CD3G: variants seen among roughly 807,000 people sequenced by gnomAD.
CD3G encodes the protein CD3 gamma subunit of T-cell receptor complex, also known as T-cell surface glycoprotein CD3 gamma chain.
A neutral mutation model predicts 28.3 loss-of-function variants in CD3G; 24 were observed. The observed-to-expected ratio is 0.85, with a 90% CI of 0.61 to 1.19. The LOEUF (loss-of-function observed/expected upper bound fraction) is 1.19. Among genes scored for constraint, CD3G ranks in the 50% most tolerant of loss-of-function variants. The pLI, the probability that CD3G is intolerant of heterozygous loss-of-function variation, is 0.00. For missense variants in CD3G, 211 were observed against 210.0 expected, an observed-to-expected ratio of 1.00 and a Z score of -0.03; for synonymous variants, 71 against 75.9, an observed-to-expected ratio of 0.93 and a Z score of 0.34.
intron 1 of CD3G, among the ~76,000 whole-genome samples, chr11:118,345,545 T>A (rs143289843): frequency 1.3e-5 from 2 of 152,226 alleles, no homozygotes; most frequent in African/African-American, 4.8e-5. Context: ...GAGAAAAGAC[T>A]GGGTGGTAGG....
chr11:118,349,539 C>T (rs548201591), intron 2 of CD3G: 11 of 629,326 alleles, frequency 1.7e-5, no homozygotes, highest in African/African-American at 1.1e-4. Context: ...CAGATATTGG[C>T]GTCACCCGAG....
chr11:118,345,634 A>G (rs892352567), intron 1 of CD3G, among the ~76,000 whole-genome samples: 1 of 152,196 alleles, frequency 6.6e-6, no homozygotes, highest in African/African-American at 2.4e-5. Flanking sequence ...CTAAAGGAGA[A>G]GATGATGAGT....
At chr11:118,345,773 G>T (rs754981713) in intron 1 of CD3G, among the ~76,000 whole-genome samples, 7 of 152,110 alleles carry the variant, frequency 4.6e-5, no homozygotes, top group Non-Finnish European at 1.0e-4. Flanking sequence ...CCACAAATAG[G>T]TTTATAAAGG....
chr11:118,349,253 G>T, intron 2 of CD3G: 1 of 1,492,188 alleles, frequency 6.7e-7, no homozygotes, highest in South Asian at 1.3e-5. Context: ...CATTTAACTG[G>T]TCTCTTACAG....
chr11:118,349,920 A>G lies in CD3G; in HGVS notation c.257A>G (p.Gln86Arg). Reference protein sequence around the residue: ...SNAKDPRGMYQCKGSQNKSKP... With the variant: ...SNAKDPRGMYRCKGSQNKSKP... ...GCCAAGGACCCTCGAGGGATGTATC[A>G]GTGTAAAGGATCACAGAACAAGTCA... The change falls in exon 3 of 7, where the codon CAG (glutamine) becomes CGG (arginine). Residue 86 changes from glutamine to arginine, a missense_variant. Transcript: ENST00000532917. 1.2e-6 allele frequency: 2 copies of G among 1,614,198 alleles called. No homozygotes were observed. Among genetic ancestry groups the G allele is most frequent in the South Asian group, 2.2e-5 (2 of 91,082 alleles).
intron 1 of CD3G, among the ~76,000 whole-genome samples, chr11:118,345,344 G>A (rs1490426992): frequency 6.6e-6 from 1 of 152,178 alleles, no homozygotes; most frequent in African/African-American, 2.4e-5. Flanking sequence ...GTTAAAGAGA[G>A]CCCACTAATA....
chr11:118,344,371 C>T lies in CD3G; in HGVS notation c.-53C>T. On this transcript the variant is annotated 5_prime_UTR_variant, in exon 1 of 7. Coordinates refer to ENST00000532917, the MANE Select transcript of CD3G (RefSeq NM_000073.3). ...TCTAGCTGCTGCACAGGCTGGCTGGCTGGCTGGCTGCTAAGGGCTGCTCCA... is the reference window on the plus strand; with the variant it reads ...TCTAGCTGCTGCACAGGCTGGCTGGTTGGCTGGCTGCTAAGGGCTGCTCCA... 1 of 1,495,936 alleles carries T rather than the reference C, an allele frequency of 6.7e-7. No homozygotes were observed. Among genetic ancestry groups the T allele is most frequent in the Non-Finnish European group, 9.1e-7 (1 of 1,096,196 alleles). 92.7% of individuals were successfully genotyped at this position (1,495,936 alleles called of 1,614,324 possible). A position where few individuals can be genotyped will look rare whatever the true frequency, so the allele number is the denominator to read the frequency against.
At position 118,350,694 on chromosome 11, in the gene CD3G, G is replaced by A. The variant is rs187746068; in HGVS notation, c.439+11G>A. On this transcript the variant is annotated intron_variant, in intron 4 of 6. Transcript: ENST00000532917. Reference sequence around the variant, plus strand: ...TTCGCCAGTCGAGAGGTAAAAGAATGCTCTTAGATGAGAGATGGGACCACC... The same window carrying A: ...TTCGCCAGTCGAGAGGTAAAAGAATACTCTTAGATGAGAGATGGGACCACC... 456 of 1,613,668 alleles carry A rather than the reference G, an allele frequency of 2.8e-4. 1 individual carries two copies. In the African/African-American group the frequency reaches 5.4e-3, roughly 19 times the overall value.
chr11:118,351,259 C>A (rs78420047), intron 4 of CD3G, among the ~76,000 whole-genome samples: 1 of 147,352 alleles, frequency 6.8e-6, no homozygotes, highest in East Asian at 2.0e-4. Flanking sequence ...GCATACAGCT[C>A]AAAAAAAAAA....
chr11:118,344,575 C>G (rs747073881), intron 1 of CD3G, 97 bp downstream of exon 1: 10 of 1,041,490 alleles, frequency 9.6e-6, no homozygotes, highest in Non-Finnish European at 1.5e-5. Flanking sequence ...AACCTTCAGC[C>G]TACCTCTGCT....
intron 2 of CD3G, chr11:118,349,280 G>A (rs775371941): frequency 2.1e-4 from 300 of 1,444,174 alleles, no homozygotes; most frequent in Non-Finnish European, 2.7e-4. Flanking sequence ...CAGGACCCTA[G>A]TAGCTAGGGA....
chr11:118,346,016 A>G (rs997052722), intron 1 of CD3G, among the ~76,000 whole-genome samples: 1 of 152,234 alleles, frequency 6.6e-6, no homozygotes, highest in African/African-American at 2.4e-5. Context: ...GCTGCATATC[A>G]TGGAAAGAGC....
intron 1 of CD3G, among the ~76,000 whole-genome samples, chr11:118,347,762 G>A (rs1565521045): frequency 6.6e-6 from 1 of 152,114 alleles, no homozygotes; most frequent in Non-Finnish European, 1.5e-5. Flanking sequence ...GGGACTACAG[G>A]TGCATACCAC....
At chr11:118,350,491 A>T in intron 3 of CD3G, 61 bp from the exon 4 acceptor site, 1 of 1,255,958 alleles carries the variant, frequency 8.0e-7, no homozygotes, top group Non-Finnish European at 1.2e-6. Flanking sequence ...CAGGCAGGAG[A>T]AAACGAACCA....
At chr11:118,350,889 G>GGAAAAAAAAAAAAAAAAAAAAAAAAA (rs1555121622) in intron 4 of CD3G, 1 of 523,510 alleles carries the variant, frequency 1.9e-6, no homozygotes, top group Non-Finnish European at 2.4e-6. Flanking sequence ...CTCCCTCTGT[G>GGAAAAAAAAAAAAAAAAAAAAAAAAA]AAAAAAAAAA....
chr11:118,352,169 T>C (rs975680130), intron 5 of CD3G, among the ~76,000 whole-genome samples: 1 of 151,778 alleles, frequency 6.6e-6, no homozygotes, highest in African/African-American at 2.4e-5. Context: ...TGAGCTGCGA[T>C]TGTGCCACTG....
rs1591287458 is a variant in CD3G at position 118,354,811 on chromosome 11, T to C, written c.*1711T>C. 2 of 152,264 alleles carry C rather than the reference T, an allele frequency of 1.3e-5. No homozygotes were observed. Among genetic ancestry groups the C allele is most frequent in the Middle Eastern group, 3.4e-3 (1 of 294 alleles). The allele number at this position is 152,264 out of a possible 1,614,324, so 9.4% of individuals were successfully genotyped here. A position where few individuals can be genotyped will look rare whatever the true frequency, so the allele number is the denominator to read the frequency against. On this transcript the variant is annotated 3_prime_UTR_variant, in exon 7 of 7. Coordinates refer to ENST00000532917, the MANE Select transcript of CD3G (RefSeq NM_000073.3). The stretch of plus-strand genomic sequence containing the variant: ...TTTTGCCCATTTTTAAGTTGACTTA[T>C]TTGTTTGTCTTCTTACTATTGGGTT...
chr11:118,350,639 G>C lies in CD3G; in HGVS notation c.395G>C (p.Gly132Ala), dbSNP rs760675305. 4 of 1,613,704 alleles carry C rather than the reference G, an allele frequency of 2.5e-6. No homozygotes were observed. Among genetic ancestry groups the C allele is most frequent in the African/African-American group, 1.3e-5 (1 of 74,786 alleles). ...GTCAGCATTTTCGTCCTTGCTGTTGGGGTCTACTTCATTGCTGGACAGGAT... is the reference window on the plus strand; with the variant it reads ...GTCAGCATTTTCGTCCTTGCTGTTGCGGTCTACTTCATTGCTGGACAGGAT... The part of the protein sequence containing the change: ...EIVSIFVLAV[G>A]VYFIAGQDGV... The change falls in exon 4 of 7, where the codon GGG becomes GCG. Residue 132 changes from glycine to alanine, a missense_variant. Transcript: ENST00000532917.
chr11:118,349,348 C>G (rs1301682760), intron 2 of CD3G: 4 of 1,260,336 alleles, frequency 3.2e-6, no homozygotes, highest in Non-Finnish European at 3.1e-6. Context: ...GGGATCCTGA[C>G]GTTAGTCTCT....
Sources: allele counts gnomAD v4.1 joint callset (sites outside exome capture counted in the v4.1 genomes callset), GRCh38; gene constraint gnomAD v4.1.1; transcripts MANE v1.5; gene names NCBI Gene and HGNC (gene_info 2026-07-23, HGNC 2026-07-21).